Variants in NBAS observed in about 807,000 individuals in gnomAD.
NBAS encodes NBAS subunit of NRZ tethering complex.
Under a neutral mutation model 302.5 loss-of-function variants are expected in NBAS, and 219 were observed. The ratio of observed to expected loss-of-function variants is 0.72; its 90% CI spans 0.65 to 0.81. The LOEUF is 0.81. Ranked by LOEUF, NBAS falls within the 30% of genes least tolerant of loss-of-function variation. The pLI, the probability that NBAS is intolerant of heterozygous loss-of-function variation, is 0.00. For missense variants in NBAS, 2,932 were observed against 2,841.6 expected, an observed-to-expected ratio of 1.03 and a Z score of -0.72; for synonymous variants, 1,118 against 1,021.6, an observed-to-expected ratio of 1.09 and a Z score of -1.80.
chr2:15,069,873 G>A, the NBAS span, among the ~76,000 whole-genome samples: 4 of 152,270 alleles, frequency 2.6e-5, no homozygotes, highest in South Asian at 8.3e-4. Flanking sequence ...AGCGAGGCAG[G>A]AAGGCAGGCA....
chr2:15,186,828 T>C lies in NBAS; in HGVS notation c.6625A>G (p.Thr2209Ala), dbSNP rs77122741. The change falls in exon 50 of 52, where the codon ACG (threonine) becomes GCG (alanine). Residue 2209 changes from threonine (T) to alanine (A), a missense_variant. Physicochemically the swap from Thr to Ala is moderately conservative, Grantham distance 58 (BLOSUM62 0). Coordinates refer to ENST00000281513, the MANE Select transcript of NBAS (RefSeq NM_015909.4). ...CCCAATCCTTCCTTGTTCTCCATCG[T>C]ACATCTGGTTAGCATCACTGTAGCT... ...RLATVMLTRC[T>A]MENKEGLGNE... The C allele has an allele frequency of 2.9e-5, 46 of 1,614,020 alleles. No individual in the cohort carries two copies. The highest frequency in any genetic ancestry group is 3.6e-5 in the Non-Finnish European group (42 of 1,179,972).
chr2:14,805,131 G>A, the NBAS span, among the ~76,000 whole-genome samples: 11 of 152,324 alleles, frequency 7.2e-5, no homozygotes, highest in African/African-American at 2.6e-4. Context: ...AGCTGGGGAA[G>A]AACAGGTGAA....
At chr2:15,192,139 C>T (rs1197381430) in intron 48 of NBAS, among the ~76,000 whole-genome samples, 1 of 152,110 alleles carries the variant, frequency 6.6e-6, no homozygotes, top group Non-Finnish European at 1.5e-5. Context: ...ATGTGACATG[C>T]TATATATTTA....
At chr2:15,124,090 G>A in the NBAS span, among the ~76,000 whole-genome samples, 1 of 152,192 alleles carries the variant, frequency 6.6e-6, no homozygotes, top group African/African-American at 2.4e-5. Context: ...ATAGAAATGT[G>A]GAAGCTATTG....
chr2:14,836,645 A>G, the NBAS span, among the ~76,000 whole-genome samples: 1 of 151,902 alleles, frequency 6.6e-6, no homozygotes, highest in East Asian at 1.9e-4. Flanking sequence ...CAAGTTTTTT[A>G]TATCTAGCAG....
the NBAS span, among the ~76,000 whole-genome samples, chr2:15,066,612 A>T: frequency 2.0e-5 from 3 of 152,204 alleles, no homozygotes; most frequent in Non-Finnish European, 4.4e-5. Flanking sequence ...AAAAATCGAC[A>T]TCACTAATCA....
chr2:15,259,756 C>A (rs1419936878), intron 44 of NBAS, among the ~76,000 whole-genome samples: 1 of 152,162 alleles, frequency 6.6e-6, no homozygotes, highest in Non-Finnish European at 1.5e-5. Context: ...ATTTGCAAAC[C>A]AAGATGGTTC....
At chr2:15,424,188 A>T in intron 23 of NBAS, 127 bp downstream of exon 23, 78 of 961,594 alleles carry the variant, frequency 8.1e-5, no homozygotes, top group Non-Finnish European at 1.1e-4. Context: ...ATAAATATTC[A>T]ATTCATCTCT....
chr2:14,813,247 G>A, the NBAS span, among the ~76,000 whole-genome samples: 1 of 152,168 alleles, frequency 6.6e-6, no homozygotes, highest in African/African-American at 2.4e-5. Context: ...TTAAAACTGG[G>A]TAATGGGCAG....
the NBAS span, among the ~76,000 whole-genome samples, chr2:14,899,119 G>A: frequency 6.6e-6 from 1 of 152,180 alleles, no homozygotes; most frequent in Non-Finnish European, 1.5e-5. Context: ...CCAAAAAGCA[G>A]GAGATCCAAG....
chr2:15,154,059 T>G, the NBAS span, among the ~76,000 whole-genome samples: 1 of 152,232 alleles, frequency 6.6e-6, no homozygotes, highest in South Asian at 2.1e-4. Context: ...AGCTCTGGCA[T>G]GTAGGGCACA....
intron 41 of NBAS, among the ~76,000 whole-genome samples, chr2:15,291,108 T>C (rs778797538): frequency 6.6e-6 from 1 of 152,246 alleles, no homozygotes; most frequent in Non-Finnish European, 1.5e-5. Flanking sequence ...TTACCTTAGT[T>C]TCAAAGGCTG....
At chr2:15,252,166 C>T (rs1375706447) in intron 44 of NBAS, among the ~76,000 whole-genome samples, 1 of 152,204 alleles carries the variant, frequency 6.6e-6, no homozygotes, top group African/African-American at 2.4e-5. Context: ...CCTACTTCAC[C>T]GCTGTGAAAT....
At chr2:15,335,994 G>A (rs1276195078) in intron 35 of NBAS, among the ~76,000 whole-genome samples, 1 of 151,854 alleles carries the variant, frequency 6.6e-6, no homozygotes, top group Non-Finnish European at 1.5e-5. Flanking sequence ...TATATGGGAG[G>A]CTGAGGTAGT....
chr2:15,148,669 T>C, the NBAS span, among the ~76,000 whole-genome samples: 2 of 152,182 alleles, frequency 1.3e-5, no homozygotes, highest in Non-Finnish European at 2.9e-5. Context: ...TGGCTAAGAA[T>C]AGAAGGAAAT....
At chr2:14,940,850 A>G in the NBAS span, among the ~76,000 whole-genome samples, 2 of 152,206 alleles carry the variant, frequency 1.3e-5, no homozygotes, top group African/African-American at 4.8e-5. Flanking sequence ...TCTCCATTCT[A>G]CAACTCACCA....
chr2:15,446,583 G>T (rs961977570), intron 21 of NBAS, among the ~76,000 whole-genome samples: 1 of 151,990 alleles, frequency 6.6e-6, no homozygotes, highest in Non-Finnish European at 1.5e-5. Flanking sequence ...GATATAAATT[G>T]TATCTACACA....
the NBAS span, among the ~76,000 whole-genome samples, chr2:15,119,600 G>A: frequency 0.14 from 20,566 of 151,966 alleles, 2,617 homozygotes; most frequent in African/African-American, 0.32. Context: ...CGGCCTCTCA[G>A]AGTGCTGGGA....
intron 51 of NBAS, among the ~76,000 whole-genome samples, chr2:15,169,275 C>CTT (rs1239430495): frequency 2.0e-5 from 3 of 152,058 alleles, no homozygotes; most frequent in African/African-American, 7.2e-5. Context: ...AGGAATTTAC[C>CTT]TTTGTTTTTG....
Sources: allele counts gnomAD v4.1 joint callset (sites outside exome capture counted in the v4.1 genomes callset), GRCh38; gene constraint gnomAD v4.1.1; transcripts MANE v1.5; gene names NCBI Gene and HGNC (gene_info 2026-07-23, HGNC 2026-07-21).